The following SYT9 variants were observed in gnomAD, a reference collection of about 807,000 sequenced individuals.
SYT9 encodes the protein synaptotagmin 9.
SYT9 carries 22 observed loss-of-function variants against 48.4 expected under a neutral mutation model. The observed-to-expected ratio is 0.45, with a 90% CI of 0.32 to 0.65. The LOEUF (loss-of-function observed/expected upper bound fraction) is 0.65. Ranked by LOEUF, SYT9 falls within the 30% of genes least tolerant of loss-of-function variation. The probability of loss-of-function intolerance (pLI) is 0.03; values close to 1 mark genes in which losing one functional copy is unlikely to be tolerated. For synonymous variants in SYT9, 265 were observed against 245.0 expected, an observed-to-expected ratio of 1.08 and a Z score of -0.76; for missense variants, 577 against 622.0, an observed-to-expected ratio of 0.93 and a Z score of 0.77.
chr11:7,465,091 A>G (rs185429633), intron 6 of SYT9, among the ~76,000 whole-genome samples: 1 of 151,828 alleles, frequency 6.6e-6, no homozygotes, highest in South Asian at 2.1e-4. Context: ...CATCTCAAAA[A>G]AAACGAAAGT....
chr11:7,404,424 A>G (rs747616548), intron 3 of SYT9, among the ~76,000 whole-genome samples: 3 of 151,928 alleles, frequency 2.0e-5, no homozygotes, highest in Non-Finnish European at 4.4e-5. Context: ...AATATTTTTA[A>G]TCATTGATTT....
intron 2 of SYT9, among the ~76,000 whole-genome samples, chr11:7,310,723 G>C (rs913886891): frequency 4.6e-5 from 7 of 152,162 alleles, no homozygotes; most frequent in Admixed American, 4.6e-4. Flanking sequence ...TGGGATTACA[G>C]GCATGAGCCA....
At chr11:7,449,715 A>G (rs990512635) in intron 6 of SYT9, among the ~76,000 whole-genome samples, 7 of 152,130 alleles carry the variant, frequency 4.6e-5, no homozygotes, top group Non-Finnish European at 8.8e-5. Context: ...CACCCACAGG[A>G]AGCAAGGTGA....
At chr11:7,266,583 G>T (rs953279657) in intron 1 of SYT9, among the ~76,000 whole-genome samples, 1 of 152,052 alleles carries the variant, frequency 6.6e-6, no homozygotes, top group Non-Finnish European at 1.5e-5. Context: ...AGCTCTTTTC[G>T]ATTGCATTGT....
chr11:7,442,750 G>A (rs12271511), intron 6 of SYT9, among the ~76,000 whole-genome samples: 1 of 152,052 alleles, frequency 6.6e-6, no homozygotes, highest in African/African-American at 2.4e-5. Flanking sequence ...CTTTCCTAGG[G>A]CCTCTGCCAT....
At chr11:7,305,713 C>G (rs1333606280) in intron 2 of SYT9, among the ~76,000 whole-genome samples, 1 of 152,126 alleles carries the variant, frequency 6.6e-6, no homozygotes, top group African/African-American at 2.4e-5. Flanking sequence ...TTTACTTTCT[C>G]CCTGCCGACA....
intron 1 of SYT9, among the ~76,000 whole-genome samples, chr11:7,288,941 AG>A (rs1345933990): frequency 6.6e-6 from 1 of 152,206 alleles, no homozygotes; most frequent in Non-Finnish European, 1.5e-5. Flanking sequence ...AGCTTTTTAT[AG>A]AGAGTGTCTC....
intron 3 of SYT9, among the ~76,000 whole-genome samples, chr11:7,315,159 A>G (rs1485415986): frequency 1.3e-5 from 2 of 152,204 alleles, no homozygotes; most frequent in South Asian, 2.1e-4. Flanking sequence ...TTGGAGCTGG[A>G]TAAGGTGCAG....
chr11:7,323,587 T>C (rs1157601591), intron 3 of SYT9, among the ~76,000 whole-genome samples: 1 of 152,070 alleles, frequency 6.6e-6, no homozygotes, highest in African/African-American at 2.4e-5. Context: ...ACATTGGCTA[T>C]AGACTTTTTG....
At chr11:7,374,679 C>T (rs573418434) in intron 3 of SYT9, among the ~76,000 whole-genome samples, 6 of 152,018 alleles carry the variant, frequency 3.9e-5, no homozygotes, top group Non-Finnish European at 5.9e-5. Flanking sequence ...AATGATGATG[C>T]GCTTTTTGCC....
upstream of SYT9, among the ~76,000 whole-genome samples, chr11:7,250,890 A>T (rs557603099): frequency 6.6e-6 from 1 of 152,188 alleles, no homozygotes; most frequent in Non-Finnish European, 1.5e-5. Context: ...TATTACAAAA[A>T]AGACAAAAGA....
chr11:7,252,837 G>C lies in SYT9; in HGVS notation c.145+506G>C, dbSNP rs1847899086. On this transcript the variant is annotated intron_variant, in intron 1 of 6. Coordinates refer to ENST00000318881, the MANE Select transcript of SYT9 (RefSeq NM_175733.4). This position sits in a 1 kb window ranked among gnomAD's most constrained non-coding sequence, Gnocchi z 6.3. ...TCCTTTCCTTGGTATGGGGTGAGAA[G>C]GGCGGGACGCGATCCGGCGTTGGGC... 6.6e-6 allele frequency among the ~76,000 whole-genome samples: 1 copy of C among 152,216 alleles called. No individual in the cohort carries two copies. Among genetic ancestry groups the C allele is most frequent in the South Asian group, 2.1e-4 (1 of 4,834 alleles).
intron 1 of SYT9, among the ~76,000 whole-genome samples, chr11:7,294,732 C>A (rs1848762503): frequency 6.6e-6 from 1 of 152,230 alleles, no homozygotes. Context: ...TGCTTTGCCA[C>A]ATGGCCCACA....
intron 6 of SYT9, among the ~76,000 whole-genome samples, chr11:7,455,496 G>C (rs1423553662): frequency 7.2e-6 from 1 of 139,270 alleles, no homozygotes; most frequent in Non-Finnish European, 1.5e-5. Context: ...ACCACGCCTG[G>C]TTAATTTTTG....
At chr11:7,409,569 G>A (rs1847093947) in intron 3 of SYT9, among the ~76,000 whole-genome samples, 1 of 151,926 alleles carries the variant, frequency 6.6e-6, no homozygotes, top group Admixed American at 6.6e-5. Context: ...GTCTGTTTAG[G>A]TTTTCTATTT....
chr11:7,266,993 C>G (rs1000768959), intron 1 of SYT9, among the ~76,000 whole-genome samples: 6 of 152,002 alleles, frequency 3.9e-5, no homozygotes, highest in Admixed American at 1.3e-4. Flanking sequence ...TTTTAATCTT[C>G]TCTTTTTCCA....
chr11:7,275,824 A>C (rs1272816798), intron 1 of SYT9, among the ~76,000 whole-genome samples: 1 of 152,150 alleles, frequency 6.6e-6, no homozygotes, highest in Admixed American at 6.5e-5. Context: ...CGCGTGGCTC[A>C]CTGCTCACTT....
At chr11:7,434,118 GAC>G (rs1350726473) in intron 6 of SYT9, among the ~76,000 whole-genome samples, 1 of 152,154 alleles carries the variant, frequency 6.6e-6, no homozygotes, top group African/African-American at 2.4e-5. Flanking sequence ...TACACAGCAG[GAC>G]AGTCTTCTGC....
chr11:7,409,409 C>A (rs1438016901), intron 3 of SYT9, among the ~76,000 whole-genome samples: 1 of 152,066 alleles, frequency 6.6e-6, no homozygotes, highest in Non-Finnish European at 1.5e-5. Context: ...AGAGGTCTTT[C>A]CACTTTCGTT....
Sources: gnomAD v4.1 joint callset for allele counts (sites outside exome capture counted in the v4.1 genomes callset) on GRCh38, gnomAD v4.1.1 for gene constraint, Gnocchi (gnomAD v3.1) non-coding constraint, MANE v1.5 for transcripts, NCBI Gene and HGNC (gene_info 2026-07-23, HGNC 2026-07-21) for gene names.